Variants in RNASEK observed in about 807,000 individuals in gnomAD.
The protein encoded by RNASEK is ribonuclease kappa.
In RNASEK, 7 loss-of-function variants were observed where a neutral mutation model predicts 11.2. The observed-to-expected ratio is 0.62, with a 90% CI of 0.35 to 1.17. The LOEUF (loss-of-function observed/expected upper bound fraction) is 1.17. Ranked by LOEUF, RNASEK falls within the 50% of genes most tolerant of loss-of-function variation. The pLI, the probability that RNASEK is intolerant of heterozygous loss-of-function variation, is 0.02. For missense variants in RNASEK, 101 were observed against 126.7 expected (o/e 0.80, Z 0.97); for synonymous variants, 46 against 49.5 (o/e 0.93, Z 0.30).
rs767026935 is a variant in RNASEK, at chr17:7,013,709, T to C, written c.122T>C (p.Ile41Thr). The change falls in exon 2 of 3, where the codon ATT becomes ACT. Residue 41 changes from isoleucine (I) to threonine (T), a missense_variant. Physicochemically the swap from Ile to Thr is moderately conservative, Grantham distance 89. Coordinates refer to ENST00000593646, the MANE Select transcript of RNASEK (RefSeq NM_001004333.5). ...TTCAATGTCCATTCCGCTGTGTTGATTGAGGACGTTCCCTTCACGGAGAAA... is the reference window on the plus strand; with the variant it reads ...TTCAATGTCCATTCCGCTGTGTTGACTGAGGACGTTCCCTTCACGGAGAAA... The part of the protein sequence containing the change: ...IFFNVHSAVL[I>T]EDVPFTEKDF... 6 of 1,613,714 alleles carry C rather than the reference T, an allele frequency of 3.7e-6. No homozygotes were observed. The highest frequency in any genetic ancestry group is 5.1e-6 in the Non-Finnish European group (6 of 1,179,714).
Position 7,012,774 on chromosome 17 carries a change from C to G in RNASEK, c.78+13C>G, listed in dbSNP as rs1339824842. On this transcript the variant is annotated intron_variant, in intron 1 of 2. Transcript: ENST00000593646. ...AGTGATCATGTTGGTGAGGGGACTCCCCGGCAAGGATCGGAGAGGGCCTGA... is the reference window on the plus strand; with the variant it reads ...AGTGATCATGTTGGTGAGGGGACTCGCCGGCAAGGATCGGAGAGGGCCTGA... 1 of 1,610,846 alleles carries G rather than the reference C, an allele frequency of 6.2e-7. No homozygotes were observed.
Position 7,013,550 on chromosome 17 carries a change from G to C in RNASEK, c.79-116G>C, listed in dbSNP as rs1019413619. ...GTCCGAATCCAGTAACCACCACCTC[G>C]TTTTGGTTAATCTCAGGCTCGGGTG... is the stretch of plus-strand genomic sequence containing the variant. On this transcript the variant is annotated intron_variant, in intron 1 of 2. Transcript: ENST00000593646. 4 of 1,608,546 alleles carry C rather than the reference G, an allele frequency of 2.5e-6. No homozygotes were observed. In the African/African-American group the frequency reaches 5.3e-5, roughly 21 times the overall value.
At chr17:7,013,953 G>C in intron 2 of RNASEK, 192 bp from the exon 3 acceptor site, 4 of 691,398 alleles carry the variant, frequency 5.8e-6, no homozygotes, top group Non-Finnish European at 9.9e-6. Context: ...ACCTCTTTAG[G>C]TATTTTACTT....
chr17:7,012,873 A>G (rs1050319224), intron 1 of RNASEK, 112 bp downstream of exon 1: 14 of 899,542 alleles, frequency 1.6e-5, no homozygotes, highest in Non-Finnish European at 2.4e-5. Context: ...CCGGGGATCT[A>G]CAGGCCCCGG....
chr17:7,013,519 G>A, intron 1 of RNASEK, 147 bp from the exon 2 acceptor site: 1 of 1,592,492 alleles, frequency 6.3e-7, no homozygotes, highest in Non-Finnish European at 8.5e-7. Flanking sequence ...TGTTCCAGGT[G>A]GCTGAGTCCG....
Position 7,012,668 on chromosome 17 carries a change from C to A in RNASEK, c.-16C>A. 6.2e-7 allele frequency: 1 copy of A among 1,612,342 alleles called. No homozygotes were observed. The highest frequency in any genetic ancestry group is 8.5e-7 in the Non-Finnish European group (1 of 1,179,808). On this transcript the variant is annotated 5_prime_UTR_variant, in exon 1 of 3. Coordinates refer to ENST00000593646, the MANE Select transcript of RNASEK (RefSeq NM_001004333.5). Reference sequence around the variant, plus strand: ...CGAGCCCGCTTGCACCTCGGCGATCCCCGACTCCCTTCTTTATGGCGTCGC... The same window carrying A: ...CGAGCCCGCTTGCACCTCGGCGATCACCGACTCCCTTCTTTATGGCGTCGC...
In RNASEK at chr17:7,013,711, G is replaced by C. The variant is rs1206694714; in HGVS notation, c.124G>C (p.Glu42Gln). Reference protein sequence around the residue: ...FFNVHSAVLIEDVPFTEKDFE... With the variant: ...FFNVHSAVLIQDVPFTEKDFE... ...CAATGTCCATTCCGCTGTGTTGATT[G>C]AGGACGTTCCCTTCACGGAGAAAGA... The change falls in exon 2 of 3, where the codon GAG becomes CAG. Residue 42 changes from glutamate to glutamine, a missense_variant. Transcript: ENST00000593646. The C allele has an allele frequency of 6.2e-7, 1 of 1,613,270 alleles. No individual in the cohort carries two copies. Among genetic ancestry groups the C allele is most frequent in the Non-Finnish European group, 8.5e-7 (1 of 1,179,460 alleles).
chr17:7,013,012 C>A (rs1909524778), intron 1 of RNASEK: 7 of 520,528 alleles, frequency 1.3e-5, no homozygotes, highest in Non-Finnish European at 2.4e-5. Context: ...GTAATCCCAG[C>A]TACTCAGGAG....
intron 2 of RNASEK, 195 bp downstream of exon 2, chr17:7,013,937 GGT>G: frequency 1.5e-6 from 1 of 687,798 alleles, no homozygotes. Context: ...CACCACCTTA[GGT>G]GTGACCTCTT....
At position 7,014,248 on chromosome 17, in the gene RNASEK, G is replaced by C. The variant is rs773964150; in HGVS notation, c.259G>C (p.Val87Leu). The change falls in exon 3 of 3, where the codon GTT becomes CTT. Residue 87 changes from valine (V) to leucine (L), a missense_variant. Transcript: ENST00000593646. This position sits in a 1 kb window ranked among gnomAD's most constrained non-coding sequence, Gnocchi z 4.5. ...LLLGGFSFCQ[V>L]RLNKRKEYMV... is the part of the protein sequence containing the mutation. ...CCTCGGAGGCTTCTCTTTCTGCCAA[G>C]TTCGGCTCAATAAGCGCAAGGAATA... is the stretch of plus-strand genomic sequence containing the variant. 1.9e-6 allele frequency: 3 copies of C among 1,613,630 alleles called. No individual in the cohort carries two copies. The highest frequency in any genetic ancestry group is 1.7e-5 in the Admixed American group (1 of 59,972).
In RNASEK at chr17:7,012,644, G is replaced by T. The variant is rs1180161627; in HGVS notation, c.-40G>T. ...CCTGGGCTTTCTCCCACCGCTTTCC[G>T]AGCCCGCTTGCACCTCGGCGATCCC... On this transcript the variant is annotated 5_prime_UTR_variant, in exon 1 of 3. Transcript: ENST00000593646. The T allele has an allele frequency of 1.9e-6, 3 of 1,609,118 alleles. No individual in the cohort carries two copies. Among genetic ancestry groups the T allele is most frequent in the Non-Finnish European group, 2.5e-6 (3 of 1,179,368 alleles).
At position 7,014,136 on chromosome 17, in the gene RNASEK, C is replaced by T. The variant is rs1333903700; in HGVS notation, c.156-9C>T. The T allele has an allele frequency of 5.8e-6, 9 of 1,552,762 alleles. No homozygotes were observed. The highest frequency in any genetic ancestry group is 7.8e-6 in the Non-Finnish European group (9 of 1,147,510). On this transcript the variant is annotated splice_polypyrimidine_tract_variant and intron_variant, in intron 2 of 2. Transcript: ENST00000593646. The surrounding 1 kb of genome is among the most constrained non-coding windows in gnomAD (Gnocchi z 4.5). ...AAGTTTGACCCCTTTGCTTCATTCCCACCCCCAGGAATGGCCCCCAGAACA... is the reference window on the plus strand; with the variant it reads ...AAGTTTGACCCCTTTGCTTCATTCCTACCCCCAGGAATGGCCCCCAGAACA...
intron 2 of RNASEK, 173 bp downstream of exon 2, chr17:7,013,915 C>T (rs1909618453): frequency 7.2e-6 from 5 of 699,042 alleles, no homozygotes; most frequent in Non-Finnish European, 1.2e-5. Context: ...ACCTCAGCGG[C>T]CATCCCAAAC....
chr17:7,012,854 C>G, intron 1 of RNASEK, 93 bp downstream of exon 1: 2 of 1,154,088 alleles, frequency 1.7e-6, no homozygotes, highest in Non-Finnish European at 2.5e-6. Flanking sequence ...CGCAGGCAGG[C>G]CGGAGGGGCC....
At chr17:7,013,028 G>A in intron 1 of RNASEK, 1 of 494,618 alleles carries the variant, frequency 2.0e-6, no homozygotes, top group South Asian at 2.3e-5. Context: ...AGGAGGCTGA[G>A]GCAGGAGAAT....
rs902183062 is a variant in RNASEK at position 7,013,961 on chromosome 17, C to G, written c.156-184C>G. ...AGGTGTGACCTCTTTAGGTATTTTA[C>G]TTTTCTGTGCTTCTCAGTCCACCTC... On this transcript the variant is annotated intron_variant, in intron 2 of 2. Coordinates refer to ENST00000593646, the MANE Select transcript of RNASEK (RefSeq NM_001004333.5). The G allele has an allele frequency of 1.3e-5, 9 of 712,618 alleles. No individual in the cohort carries two copies. The African/African-American group carries it at 1.6e-4, about 13-fold the overall frequency. The allele number at this position is 712,618 out of a possible 1,614,324, so 44.1% of individuals were successfully genotyped here.
At position 7,012,936 on chromosome 17, in the gene RNASEK, C is replaced by T. The variant is rs1037499314; in HGVS notation, c.78+175C>T. The T allele has an allele frequency of 9.1e-5, 56 of 617,750 alleles. No individual in the cohort carries two copies. In the African/African-American group the frequency reaches 9.8e-4, roughly 11 times the overall value. The allele number at this position is 617,750 out of a possible 1,614,324, so 38.3% of individuals were successfully genotyped here. On this transcript the variant is annotated intron_variant, in intron 1 of 2. Transcript: ENST00000593646. ...TGGGAACTGTTCGAGACCAGCCTGA[C>T]CAACATGGTGAAACCCCGTCTCCAA... is the stretch of plus-strand genomic sequence containing the variant.
chr17:7,013,236 G>A (rs1909551411), intron 1 of RNASEK: 1 of 1,075,576 alleles, frequency 9.3e-7, no homozygotes, highest in Non-Finnish European at 1.3e-6. Context: ...GGGTGCCTGA[G>A]AGGTGCTTGA....
At chr17:7,013,542 A>G in intron 1 of RNASEK, 124 bp from the exon 2 acceptor site, 1 of 1,607,402 alleles carries the variant, frequency 6.2e-7, no homozygotes, top group Non-Finnish European at 8.5e-7. Context: ...TCCAGTAACC[A>G]CCACCTCGTT....
Sources: allele counts gnomAD v4.1 joint callset, GRCh38; gene constraint gnomAD v4.1.1; non-coding constraint Gnocchi (gnomAD v3.1); transcripts MANE v1.5; gene names NCBI Gene and HGNC (gene_info 2026-07-23, HGNC 2026-07-21).